LMNTD1: variants seen among roughly 807,000 people sequenced by gnomAD.
LMNTD1 encodes lamin tail domain-containing protein 1.
LMNTD1 carries 35 observed loss-of-function variants against 50.9 expected under a neutral mutation model. That is an observed-to-expected ratio of 0.69 (90% CI 0.53 to 0.91). The LOEUF (loss-of-function observed/expected upper bound fraction) is 0.91, where lower values mean the gene tolerates loss of function less well. Ranked by LOEUF, LMNTD1 falls within the 40% of genes least tolerant of loss-of-function variation. The pLI is 0.00. For missense variants in LMNTD1, 470 were observed against 475.5 expected (o/e 0.99, Z 0.11); for synonymous variants, 153 against 161.9 (o/e 0.94, Z 0.42).
chr12:25,558,867 G>T (rs1944152314), intron 1 of LMNTD1, among the ~76,000 whole-genome samples: 1 of 152,052 alleles, frequency 6.6e-6, no homozygotes, highest in Non-Finnish European at 1.5e-5. Context: ...ACACGTGGGG[G>T]TTACTACAAT....
chr12:25,554,597 G>A (rs1181067092), upstream of LMNTD1, among the ~76,000 whole-genome samples: 6 of 152,246 alleles, frequency 3.9e-5, no homozygotes, highest in Admixed American at 6.5e-5. Context: ...TTTTGTAAAT[G>A]TAAGAGGATG....
chr12:25,527,681 T>TATATATATATATACACAC (rs1463259109), intron 4 of LMNTD1, among the ~76,000 whole-genome samples: 3 of 32,354 alleles, frequency 9.3e-5, no homozygotes, highest in Non-Finnish European at 1.2e-4. Flanking sequence ...TATATATATA[T>TATATATATATATACACAC]ACACACACAC....
intron 6 of LMNTD1, among the ~76,000 whole-genome samples, 172 bp from the exon 7 acceptor site, chr12:25,520,247 A>C (rs556790058): frequency 6.7e-6 from 1 of 149,924 alleles, no homozygotes; most frequent in East Asian, 2.0e-4. Context: ...TTATGACAAG[A>C]GCAGCTAAAA....
At chr12:25,508,779 A>G in intron 8 of LMNTD1, among the ~76,000 whole-genome samples, 1 of 152,166 alleles carries the variant, frequency 6.6e-6, no homozygotes, top group East Asian at 1.9e-4. Flanking sequence ...TCAGGACCTC[A>G]AGGAAAAATC....
chr12:25,643,218 G>A (rs1301464699), intron 1 of LMNTD1, among the ~76,000 whole-genome samples: 1 of 152,164 alleles, frequency 6.6e-6, no homozygotes, highest in Non-Finnish European at 1.5e-5. Context: ...GATTATAGTG[G>A]GATGAGCAGG....
chr12:25,533,847 G>A (rs1012742634), intron 4 of LMNTD1, among the ~76,000 whole-genome samples: 2 of 152,214 alleles, frequency 1.3e-5, no homozygotes, highest in Non-Finnish European at 2.9e-5. Flanking sequence ...TTGGGAAGAT[G>A]AGGATATTTG....
chr12:25,591,143 G>A (rs1413153452), intron 1 of LMNTD1, among the ~76,000 whole-genome samples: 2 of 139,664 alleles, frequency 1.4e-5, no homozygotes, highest in African/African-American at 4.9e-5. Flanking sequence ...TCAGGACATG[G>A]CTCTTGGATG....
At chr12:25,548,252 A>G (rs1198764392) in intron 3 of LMNTD1, among the ~76,000 whole-genome samples, 2 of 151,906 alleles carry the variant, frequency 1.3e-5, no homozygotes, top group African/African-American at 4.8e-5. Context: ...TTAAAATATC[A>G]GAAACAAAAT....
At chr12:25,488,843 AACAG>A (rs1353118418) in intron 9 of LMNTD1, among the ~76,000 whole-genome samples, 5 of 152,054 alleles carry the variant, frequency 3.3e-5, no homozygotes, top group Non-Finnish European at 5.9e-5. Flanking sequence ...TTTTCCTTCT[AACAG>A]ACAGGATCCT....
At chr12:25,532,366 T>A (rs1942284152) in intron 4 of LMNTD1, among the ~76,000 whole-genome samples, 1 of 152,182 alleles carries the variant, frequency 6.6e-6, no homozygotes, top group African/African-American at 2.4e-5. Context: ...CTTCCATCTT[T>A]CCTTGAAGTT....
intron 1 of LMNTD1, among the ~76,000 whole-genome samples, chr12:25,610,233 T>A (rs985279935): frequency 6.6e-6 from 1 of 152,138 alleles, no homozygotes; most frequent in Non-Finnish European, 1.5e-5. Context: ...ATTTTCCCAG[T>A]ACAGTCTGTC....
At chr12:25,484,520 A>C (rs545582647) in intron 9 of LMNTD1, among the ~76,000 whole-genome samples, 1 of 151,908 alleles carries the variant, frequency 6.6e-6, no homozygotes, top group African/African-American at 2.4e-5. Context: ...TTTTTTTATT[A>C]TACTTTAAGT....
rs114938912 is a variant in LMNTD1 at position 25,507,746 on chromosome 12, A to T, written c.1190-3946T>A. Among the ~76,000 whole-genome samples the T allele has an allele frequency of 3.6e-3, 555 of 152,340 alleles. 4 individuals carry two copies. Among genetic ancestry groups the T allele is most frequent in the African/African-American group, 0.013 (540 of 41,574 alleles). Reference sequence around the variant, plus strand: ...ATTTGCAGCAGAGGCTGAGAAAAACAGTTCTTATTATTGATGGCCATGTGT... The same window carrying T: ...ATTTGCAGCAGAGGCTGAGAAAAACTGTTCTTATTATTGATGGCCATGTGT... On this transcript the variant is annotated intron_variant, in intron 8 of 9. Coordinates refer to ENST00000458174, the MANE Select transcript of LMNTD1 (RefSeq NM_001145728.2).
intron 4 of LMNTD1, among the ~76,000 whole-genome samples, chr12:25,540,885 A>G (rs1427467931): frequency 7.5e-6 from 1 of 132,608 alleles, no homozygotes; most frequent in South Asian, 2.6e-4. Context: ...AAGTCTCAGG[A>G]TACAAAATCA....
intron 9 of LMNTD1, among the ~76,000 whole-genome samples, chr12:25,487,688 TG>T (rs902132317): frequency 7.6e-6 from 1 of 130,792 alleles, no homozygotes; most frequent in African/African-American, 2.9e-5. Flanking sequence ...TGATGTTAGC[TG>T]GTGATTTTGC....
intron 1 of LMNTD1, among the ~76,000 whole-genome samples, chr12:25,600,530 A>C (rs1945942767): frequency 6.6e-6 from 1 of 152,124 alleles, no homozygotes; most frequent in Admixed American, 6.6e-5. Context: ...AATGGGAGAT[A>C]ATATTTGCAA....
At chr12:25,560,261 G>T (rs1448349349) in intron 1 of LMNTD1, among the ~76,000 whole-genome samples, 2 of 152,140 alleles carry the variant, frequency 1.3e-5, no homozygotes, top group Non-Finnish European at 2.9e-5. Flanking sequence ...TTCTACATAT[G>T]GCCAGCCAGT....
At chr12:25,481,804 G>T (rs183796487) in intron 9 of LMNTD1, among the ~76,000 whole-genome samples, 1 of 148,204 alleles carries the variant, frequency 6.7e-6, no homozygotes, top group Non-Finnish European at 1.5e-5. Flanking sequence ...CTTTCAAATC[G>T]CAACCTAACT....
At position 25,494,140 on chromosome 12, in the gene LMNTD1, T is replaced by A. The variant is rs143507335; in HGVS notation, c.*22+9598A>T. 1.8e-4 allele frequency among the ~76,000 whole-genome samples: 27 copies of A among 152,352 alleles called. No homozygotes were observed. In the East Asian group the frequency reaches 4.2e-3, roughly 24 times the overall value. Reference sequence around the variant, plus strand: ...CTTGTGGTAGTTATGCTCCTGTGACTACGTTCCTCCTTCTGTCTGAACTCT... The same window carrying A: ...CTTGTGGTAGTTATGCTCCTGTGACAACGTTCCTCCTTCTGTCTGAACTCT... On this transcript the variant is annotated intron_variant, in intron 9 of 9. Coordinates refer to ENST00000458174, the MANE Select transcript of LMNTD1 (RefSeq NM_001145728.2).
Sources: gnomAD v4.1 joint callset for allele counts (sites outside exome capture counted in the v4.1 genomes callset) on GRCh38, gnomAD v4.1.1 for gene constraint, MANE v1.5 for transcripts, NCBI Gene and HGNC (gene_info 2026-07-23, HGNC 2026-07-21) for gene names.